Variants in PHLPP1 observed in about 807,000 individuals in gnomAD.
PHLPP1 encodes the protein PH domain and leucine rich repeat protein phosphatase 1, also known as PH domain leucine-rich repeat-containing protein phosphatase 1.
In PHLPP1, 42 loss-of-function variants were observed where a neutral mutation model predicts 117.2. The observed-to-expected ratio is 0.36, with a 90% CI of 0.28 to 0.46. PHLPP1 has a LOEUF of 0.46. PHLPP1 is among the 20% of genes least tolerant of loss of function. PHLPP1 has a pLI of 1.00. For missense variants in PHLPP1, 2,084 were observed against 2,241.9 expected, an observed-to-expected ratio of 0.93 and a Z score of 1.42; for synonymous variants, 1,042 against 970.7, an observed-to-expected ratio of 1.07 and a Z score of -1.37.
At chr18:62,774,955 A>G (rs1354481143) in intron 1 of PHLPP1, among the ~76,000 whole-genome samples, 3 of 152,128 alleles carry the variant, frequency 2.0e-5, no homozygotes, top group Non-Finnish European at 2.9e-5. Flanking sequence ...AAAATAACCC[A>G]TAATCACCAT....
At chr18:62,740,181 G>A (rs1911482974) in intron 1 of PHLPP1, among the ~76,000 whole-genome samples, 1 of 152,092 alleles carries the variant, frequency 6.6e-6, no homozygotes, top group African/African-American at 2.4e-5. Context: ...TGGGTAGGTC[G>A]GGAGGCAGAA....
chr18:62,949,328 A>G (rs1023608068), intron 12 of PHLPP1, among the ~76,000 whole-genome samples: 3 of 152,244 alleles, frequency 2.0e-5, no homozygotes, highest in Non-Finnish European at 4.4e-5. Flanking sequence ...GAGCAAACAA[A>G]TCTCCGTACT....
rs1911160655 is a variant in PHLPP1, at chr18:62,975,400, A to T, written c.3759A>T (p.Lys1253Asn). 1.2e-6 allele frequency: 2 copies of T among 1,611,026 alleles called. No individual in the cohort carries two copies. Among genetic ancestry groups the T allele is most frequent in the Admixed American group, 1.7e-5 (1 of 60,006 alleles). ...MVNTFIVMQRKLGTAGQKLGG... is the reference protein window; with the variant it reads ...MVNTFIVMQRNLGTAGQKLGG... ...ACCCCCTCTCTTCGGATTCCAGGAA[A>T]CTTGGAACTGCTGGGCAGAAGCTTG... Residue 1253 changes from lysine to asparagine, a missense_variant, in exon 16 of 17, where the codon AAA (lysine) becomes AAT (asparagine). By Grantham distance (94) the Lys-to-Asn change is moderately conservative. This residue lies in a region of PHLPP1 where 1,365 missense variants were observed against 1,605.9 expected (regional missense o/e 0.85). Transcript: ENST00000262719.
intron 10 of PHLPP1, among the ~76,000 whole-genome samples, chr18:62,926,583 A>C (rs1204124615): frequency 6.6e-6 from 1 of 152,098 alleles, no homozygotes; most frequent in Non-Finnish European, 1.5e-5. Flanking sequence ...ATGCATTAGG[A>C]CAGGGGTTTT....
chr18:62,722,513 G>A (rs1020348443), intron 1 of PHLPP1, among the ~76,000 whole-genome samples: 1 of 151,864 alleles, frequency 6.6e-6, no homozygotes, highest in Non-Finnish European at 1.5e-5. Context: ...TTTCTTTAAA[G>A]TTCCACCTTC....
intron 1 of PHLPP1, among the ~76,000 whole-genome samples, chr18:62,734,825 C>T (rs1911325837): frequency 6.6e-6 from 1 of 152,250 alleles, no homozygotes. Context: ...CAACACTTGA[C>T]AGGCTGATTT....
chr18:62,869,307 A>T (rs1353286700), intron 4 of PHLPP1, among the ~76,000 whole-genome samples: 1 of 152,106 alleles, frequency 6.6e-6, no homozygotes, highest in Non-Finnish European at 1.5e-5. Flanking sequence ...GGAATTGGGG[A>T]GAGGATCTGG....
At chr18:62,977,787 C>T (rs916763401) in intron 16 of PHLPP1, among the ~76,000 whole-genome samples, 1 of 152,072 alleles carries the variant, frequency 6.6e-6, no homozygotes, top group East Asian at 1.9e-4. Flanking sequence ...TGTGTCTTTG[C>T]TCAGGACTGG....
At chr18:62,721,429 GGTGTGTGTGT>G (rs71340107) in intron 1 of PHLPP1, among the ~76,000 whole-genome samples, 2 of 144,308 alleles carry the variant, frequency 1.4e-5, no homozygotes, top group Non-Finnish European at 3.1e-5. Context: ...GAGGGGTGTG[GGTGTGTGTGT>G]GTGTGTGTGT....
rs1016624248 is a variant in PHLPP1, at chr18:62,742,223, G to A, written c.1576+24964G>A. On this transcript the variant is annotated intron_variant, in intron 1 of 16. Coordinates refer to ENST00000262719, the MANE Select transcript of PHLPP1 (RefSeq NM_194449.4). ...GAGAAAAGGAAGATAAAAGTAACGC[G>A]GTCTTTTCTATAATCTGAACACACA... Among the ~76,000 whole-genome samples, 7 of 152,174 alleles carry A rather than the reference G, an allele frequency of 4.6e-5. No individual in the cohort carries two copies. In the East Asian group the frequency reaches 9.7e-4, roughly 21 times the overall value.
chr18:62,718,078 G>T (rs1266302487), intron 1 of PHLPP1, among the ~76,000 whole-genome samples: 1 of 152,164 alleles, frequency 6.6e-6, no homozygotes, highest in African/African-American at 2.4e-5. Flanking sequence ...TTGACTAGGG[G>T]TGACCCATGT....
chr18:62,946,380 C>A (rs1048830915), intron 12 of PHLPP1, among the ~76,000 whole-genome samples: 1 of 152,118 alleles, frequency 6.6e-6, no homozygotes, highest in East Asian at 1.9e-4. Context: ...ATTCGCTCGC[C>A]GCAGCCTCCC....
intron 1 of PHLPP1, among the ~76,000 whole-genome samples, chr18:62,805,668 A>G (rs906695326): frequency 1.3e-5 from 2 of 151,886 alleles, no homozygotes; most frequent in African/African-American, 2.4e-5. Flanking sequence ...ACCTTTTTCC[A>G]CTGTCTTAAT....
At position 62,940,516 on chromosome 18, in the gene PHLPP1, C is replaced by T. The variant is rs535207337; in HGVS notation, c.2961-1202C>T. ...AGTAGCTGGGACTGCAGGCGCCCGCCACCACACCCGGCTAATTTTTTGTAT... is the reference window on the plus strand; with the variant it reads ...AGTAGCTGGGACTGCAGGCGCCCGCTACCACACCCGGCTAATTTTTTGTAT... On this transcript the variant is annotated intron_variant, in intron 10 of 16. Transcript: ENST00000262719. 2.1e-3 allele frequency among the ~76,000 whole-genome samples: 312 copies of T among 151,876 alleles called. 3 individuals are homozygous for T. The highest frequency in any genetic ancestry group is 7.2e-3 in the African/African-American group (298 of 41,428).
intron 10 of PHLPP1, 49 bp downstream of exon 10, chr18:62,920,163 A>G (rs918636123): frequency 6.2e-5 from 94 of 1,525,084 alleles, no homozygotes; most frequent in Non-Finnish European, 8.4e-5. Flanking sequence ...ATATTCCCTC[A>G]TTTGTATCTT....
At chr18:62,844,103 G>A (rs1015501243) in intron 3 of PHLPP1, among the ~76,000 whole-genome samples, 7 of 152,138 alleles carry the variant, frequency 4.6e-5, no homozygotes, top group African/African-American at 1.7e-4. Context: ...TCCCAACACT[G>A]TGGGAGGCTG....
At chr18:62,916,314 C>G (rs1197539120) in intron 9 of PHLPP1, among the ~76,000 whole-genome samples, 1 of 151,106 alleles carries the variant, frequency 6.6e-6, no homozygotes, top group Non-Finnish European at 1.5e-5. Context: ...TGAAATAATA[C>G]TCTGAGAATT....
At position 62,830,928 on chromosome 18, in the gene PHLPP1, G is replaced by A. The variant is rs1057245472; in HGVS notation, c.1773+697G>A. On this transcript the variant is annotated intron_variant, in intron 2 of 16. Transcript: ENST00000262719. The stretch of plus-strand genomic sequence containing the variant: ...CATGCGGAGGGTTTGAGTCTATAGT[G>A]CTTAAGTCTTTGACCACATTTTCCC... Among the ~76,000 whole-genome samples the A allele has an allele frequency of 1.8e-4, 27 of 152,132 alleles. 1 individual carries two copies. The highest frequency in any genetic ancestry group is 1.5e-5 in the Non-Finnish European group (1 of 68,028).
At chr18:62,851,867 G>A (rs562024578) in intron 3 of PHLPP1, among the ~76,000 whole-genome samples, 32 of 151,778 alleles carry the variant, frequency 2.1e-4, no homozygotes, top group African/African-American at 3.9e-4. Context: ...TATAATTTGC[G>A]TAATCTTTTT....
Sources: gnomAD v4.1 joint callset for allele counts (sites outside exome capture counted in the v4.1 genomes callset) on GRCh38, gnomAD v4.1.1 for gene constraint, gnomAD v4.1.1 regional missense constraint, MANE v1.5 for transcripts, NCBI Gene and HGNC (gene_info 2026-07-23, HGNC 2026-07-21) for gene names.